PGRMC2: variants seen among roughly 807,000 people sequenced by gnomAD.
The protein encoded by PGRMC2 is progesterone receptor membrane component 2.
Under a neutral mutation model 19.3 loss-of-function variants are expected in PGRMC2, and 9 were observed. The observed-to-expected ratio is 0.47, with a 90% CI of 0.28 to 0.81. The LOEUF is 0.81. Ranked by LOEUF, PGRMC2 falls within the 40% of genes least tolerant of loss-of-function variation. PGRMC2 has a pLI of 0.11. For synonymous variants in PGRMC2, 157 were observed against 124.6 expected (o/e 1.26, Z -1.73); for missense variants, 289 against 297.3 (o/e 0.97, Z 0.21).
chr4:128,279,261 G>T (rs1760868167), intron 1 of PGRMC2, among the ~76,000 whole-genome samples: 1 of 151,684 alleles, frequency 6.6e-6, no homozygotes, highest in Non-Finnish European at 1.5e-5. Flanking sequence ...TAAACAATTT[G>T]TAGAAAAGGC....
rs543414254 is a variant in PGRMC2, at chr4:128,278,271, T to C, written c.419-5754A>G. Among the ~76,000 whole-genome samples, 3 of 152,332 alleles carry C rather than the reference T, an allele frequency of 2.0e-5. No individual in the cohort carries two copies. In the South Asian group the frequency reaches 6.2e-4, roughly 32 times the overall value. ...TATTAGGAAAAAGGGATTATTCCCC[T>C]GTTGGGGAAACATGTTGGGACAACT... is the stretch of plus-strand genomic sequence containing the variant. On this transcript the variant is annotated intron_variant, in intron 1 of 2. Transcript: ENST00000296425.
intron 1 of PGRMC2, among the ~76,000 whole-genome samples, chr4:128,282,068 T>C (rs1201991699): frequency 3.3e-5 from 5 of 152,192 alleles, no homozygotes; most frequent in East Asian, 1.9e-4. Flanking sequence ...CAGATTATAA[T>C]TACATACTGA....
intron 1 of PGRMC2, among the ~76,000 whole-genome samples, chr4:128,280,867 T>C (rs960707754): frequency 6.6e-6 from 1 of 152,126 alleles, no homozygotes; most frequent in Non-Finnish European, 1.5e-5. Flanking sequence ...CCAAAAATGG[T>C]AGGATTATAG....
At chr4:128,284,487 G>A (rs1303171157) in intron 1 of PGRMC2, among the ~76,000 whole-genome samples, 1 of 152,152 alleles carries the variant, frequency 6.6e-6, no homozygotes, top group African/African-American at 2.4e-5. Flanking sequence ...CTGGCCAAGT[G>A]CCTGATCTGT....
chr4:128,275,462 A>G (rs906816091), intron 1 of PGRMC2, among the ~76,000 whole-genome samples: 1 of 152,194 alleles, frequency 6.6e-6, no homozygotes, highest in African/African-American at 2.4e-5. Context: ...TTTCTGGGGT[A>G]CTGGGGGTAG....
intron 1 of PGRMC2, among the ~76,000 whole-genome samples, chr4:128,284,133 C>G (rs1482198679): frequency 6.6e-6 from 1 of 151,966 alleles, no homozygotes. Flanking sequence ...TTTTTTGAGG[C>G]TTTAAATCCT....
intron 1 of PGRMC2, among the ~76,000 whole-genome samples, chr4:128,280,352 GGAA>G (rs1264392794): frequency 3.3e-5 from 2 of 60,536 alleles, no homozygotes; most frequent in Non-Finnish European, 5.9e-5. Context: ...AAATTTTCTG[GGAA>G]AAAAAAAAAA....
At chr4:128,278,795 T>G (rs1230153717) in intron 1 of PGRMC2, among the ~76,000 whole-genome samples, 1 of 152,186 alleles carries the variant, frequency 6.6e-6, no homozygotes, top group Non-Finnish European at 1.5e-5. Context: ...CAAAACTTTG[T>G]GTGGTTCAAA....
chr4:128,271,406 A>G lies in PGRMC2; in HGVS notation c.582T>C (p.Tyr194=), dbSNP rs764342141. ...GTTTTAGGAGTCTGCCTACATAATC[A>G]TATTTTTCTGAAAGATACATCAAAA... ...REWEMQFKEK[Y]DYVGRLLKPG... Residue 194 remains tyrosine (Y), a synonymous_variant, in exon 3 of 3, where the codon TAT becomes TAC. Transcript: ENST00000296425. The G allele has an allele frequency of 8.2e-6, 13 of 1,577,030 alleles. No homozygotes were observed. The highest frequency in any genetic ancestry group is 1.7e-4 in the Middle Eastern group (1 of 5,974).
At chr4:128,281,383 C>A (rs947014739) in intron 1 of PGRMC2, among the ~76,000 whole-genome samples, 1 of 152,048 alleles carries the variant, frequency 6.6e-6, no homozygotes, top group Non-Finnish European at 1.5e-5. Flanking sequence ...GGCTAAAATT[C>A]TTATATTGTT....
intron 2 of PGRMC2, among the ~76,000 whole-genome samples, chr4:128,271,669 T>C (rs1760731944): frequency 1.3e-5 from 2 of 152,232 alleles, no homozygotes; most frequent in Non-Finnish European, 2.9e-5. Context: ...TGATTCTTAG[T>C]TGGATACTGC....
At chr4:128,285,216 C>T (rs1381227661) in intron 1 of PGRMC2, among the ~76,000 whole-genome samples, 2 of 152,188 alleles carry the variant, frequency 1.3e-5, no homozygotes, top group East Asian at 1.9e-4. Flanking sequence ...ACCCCCACCT[C>T]CCGGGTTCCA....
At chr4:128,281,364 A>T (rs1293707049) in intron 1 of PGRMC2, among the ~76,000 whole-genome samples, 1 of 152,030 alleles carries the variant, frequency 6.6e-6, no homozygotes, top group Admixed American at 6.6e-5. Flanking sequence ...TGACACTAAA[A>T]TGATGTTTGG....
At chr4:128,275,994 A>C (rs1760806308) in intron 1 of PGRMC2, among the ~76,000 whole-genome samples, 2 of 152,296 alleles carry the variant, frequency 1.3e-5, no homozygotes, top group African/African-American at 4.8e-5. Context: ...CCAAAGTGTT[A>C]GAATTACAGG....
intron 1 of PGRMC2, among the ~76,000 whole-genome samples, chr4:128,281,148 T>C (rs546290065): frequency 6.6e-6 from 1 of 152,214 alleles, no homozygotes; most frequent in South Asian, 2.1e-4. Context: ...AAAAACAAAG[T>C]GAAGCTAAAG....
intron 1 of PGRMC2, among the ~76,000 whole-genome samples, chr4:128,283,977 ATTTTTTT>A (rs61702072): frequency 4.6e-4 from 67 of 144,792 alleles, no homozygotes; most frequent in African/African-American, 1.5e-3. Flanking sequence ...TTTTATTTTT[ATTTTTTT>A]TTTTTTAGTA....
At chr4:128,274,294 T>C (rs893492818) in intron 1 of PGRMC2, among the ~76,000 whole-genome samples, 2 of 152,136 alleles carry the variant, frequency 1.3e-5, no homozygotes, top group African/African-American at 4.8e-5. Flanking sequence ...GCAGCAGTGT[T>C]GAGGTCAGCA....
At chr4:128,287,320 G>A (rs773385129) in intron 1 of PGRMC2, 53 bp downstream of exon 1, 13 of 1,545,060 alleles carry the variant, frequency 8.4e-6, no homozygotes, top group Non-Finnish European at 1.1e-5. Flanking sequence ...CTGTCCGAAG[G>A]GGGTTGTGCT....
chr4:128,279,706 G>A (rs1192897756), intron 1 of PGRMC2, among the ~76,000 whole-genome samples: 1 of 152,104 alleles, frequency 6.6e-6, no homozygotes, highest in African/African-American at 2.4e-5. Flanking sequence ...GAATAAGATG[G>A]CTCTCTATAC....
Sources: gnomAD v4.1 joint callset for allele counts (sites outside exome capture counted in the v4.1 genomes callset) on GRCh38, gnomAD v4.1.1 for gene constraint, MANE v1.5 for transcripts, NCBI Gene and HGNC (gene_info 2026-07-23, HGNC 2026-07-21) for gene names.